Variants in ZBTB41 observed in about 807,000 individuals in gnomAD.
ZBTB41 encodes zinc finger and BTB domain containing 41, also known as zinc finger and BTB domain-containing protein 41.
In ZBTB41, 42 loss-of-function variants were observed where a neutral mutation model predicts 87.6. The ratio of observed to expected loss-of-function variants is 0.48; its 90% CI spans 0.37 to 0.62. The LOEUF (loss-of-function observed/expected upper bound fraction) is 0.62, where lower values mean the gene tolerates loss of function less well. Among genes scored for constraint, ZBTB41 ranks in the 20% least tolerant of loss-of-function variants. The pLI, the probability that ZBTB41 is intolerant of heterozygous loss-of-function variation, is 0.00. For synonymous variants in ZBTB41, 364 were observed against 364.0 expected (o/e 1.00, Z 0.00); for missense variants, 799 against 1,078.9 (o/e 0.74, Z 3.63).
chr1:197,177,393 C>A (rs148074490), intron 7 of ZBTB41, among the ~76,000 whole-genome samples: 1 of 152,048 alleles, frequency 6.6e-6, no homozygotes, highest in African/African-American at 2.4e-5. Context: ...CCCAGCCATG[C>A]GGAACTGTGA....
intron 9 of ZBTB41, 24 bp from the exon 10 acceptor site, chr1:197,172,272 T>C (rs1373685837): frequency 1.1e-6 from 1 of 886,374 alleles, no homozygotes; most frequent in Non-Finnish European, 1.6e-6. Context: ...AAGATTTGAG[T>C]TTTTCAATAT....
chr1:197,176,462 C>T lies in ZBTB41; in HGVS notation c.1879+102G>A, dbSNP rs115993617. On this transcript the variant is annotated intron_variant, in intron 8 of 10. Transcript: ENST00000367405. ...TTACAAAGAAGTGATGAGCATAAAC[C>T]AAATTATTAAACTTATAGCCAACAT... The T allele has an allele frequency of 3.7e-3, 3,107 of 833,240 alleles. 54 individuals carry two copies. The African/African-American group carries it at 0.048, about 13-fold the overall frequency. The allele number at this position is 833,240 out of a possible 1,614,324, so 51.6% of individuals were successfully genotyped here. A position where few individuals can be genotyped will look rare whatever the true frequency, so the allele number is the denominator to read the frequency against.
intron 2 of ZBTB41, among the ~76,000 whole-genome samples, chr1:197,194,204 A>G (rs1022210029): frequency 1.3e-5 from 2 of 152,006 alleles, no homozygotes; most frequent in African/African-American, 4.8e-5. Context: ...TTTTTAGTAG[A>G]CACGGGTTTC....
rs1660276485 is a variant in ZBTB41, at chr1:197,200,197, T to C, written c.277A>G (p.Ile93Val). ...GCACTAAATTCTTTTCCTTCCACTA[T>C]GATAAGTAAATCACAAAAAGATGGT... ...KQPSFCDLLI[I>V]VEGKEFSAHK... The change falls in exon 2 of 11, where the codon ATA becomes GTA. Residue 93 changes from isoleucine to valine, a missense_variant. Ile to Val is a conservative substitution (Grantham distance 29, BLOSUM62 3). This residue lies in a region of ZBTB41 where 59 missense variants were observed against 120.1 expected (regional missense o/e 0.49). Coordinates refer to ENST00000367405, the MANE Select transcript of ZBTB41 (RefSeq NM_194314.3). 2 of 1,613,688 alleles carry C rather than the reference T, an allele frequency of 1.2e-6. No homozygotes were observed. Among genetic ancestry groups the C allele is most frequent in the South Asian group, 1.1e-5 (1 of 90,954 alleles).
At chr1:197,191,046 C>A (rs1015394059) in intron 3 of ZBTB41, among the ~76,000 whole-genome samples, 1 of 151,312 alleles carries the variant, frequency 6.6e-6, no homozygotes, top group South Asian at 2.1e-4. Context: ...AGGTAATATA[C>A]CTGATTTTTT....
At chr1:197,188,602 C>T (rs1659941743) in intron 4 of ZBTB41, among the ~76,000 whole-genome samples, 163 bp from the exon 5 acceptor site, 1 of 152,060 alleles carries the variant, frequency 6.6e-6, no homozygotes, top group Non-Finnish European at 1.5e-5. Flanking sequence ...GAAAAAAATG[C>T]TCTAGAGGAA....
At chr1:197,194,870 C>A (rs1409788771) in intron 2 of ZBTB41, among the ~76,000 whole-genome samples, 1 of 152,146 alleles carries the variant, frequency 6.6e-6, no homozygotes, top group African/African-American at 2.4e-5. Flanking sequence ...ACAGGAGAGA[C>A]AACTTTTGAC....
chr1:197,165,368 G>A (rs1360745240), intron 10 of ZBTB41, among the ~76,000 whole-genome samples: 1 of 151,972 alleles, frequency 6.6e-6, no homozygotes, highest in Admixed American at 6.6e-5. Flanking sequence ...CCAGCACTTT[G>A]GGAGGCCGAG....
intron 6 of ZBTB41, among the ~76,000 whole-genome samples, chr1:197,179,617 C>G (rs1431532866): frequency 1.3e-5 from 2 of 151,942 alleles, no homozygotes; most frequent in East Asian, 3.9e-4. Flanking sequence ...CATGACAGCT[C>G]TATGCATGTA....
intron 6 of ZBTB41, among the ~76,000 whole-genome samples, chr1:197,180,440 T>G (rs1659717096): frequency 6.6e-6 from 1 of 152,168 alleles, no homozygotes. Context: ...CTAGTAAGTT[T>G]AAAGGATGAA....
chr1:197,161,799 T>C (rs1022582847), intron 10 of ZBTB41, among the ~76,000 whole-genome samples: 2 of 152,030 alleles, frequency 1.3e-5, no homozygotes, highest in Admixed American at 1.3e-4. Flanking sequence ...AAGTGCGTTC[T>C]ATAAATCCCT....
intron 8 of ZBTB41, among the ~76,000 whole-genome samples, chr1:197,175,431 A>AATATATATATAT (rs67302873): frequency 0.013 from 917 of 71,576 alleles, 57 homozygotes; most frequent in African/African-American, 0.03. Flanking sequence ...AGGAATTTTA[A>AATATATATATAT]ATATATATAT....
intron 2 of ZBTB41, among the ~76,000 whole-genome samples, chr1:197,196,121 G>A (rs1660156116): frequency 6.6e-6 from 1 of 152,062 alleles, no homozygotes; most frequent in South Asian, 2.1e-4. Context: ...AAGAATACTA[G>A]CCAAGAGTAA....
At position 197,201,237 on chromosome 1, in the gene ZBTB41, T is replaced by C. The variant is rs1652789816; in HGVS notation, c.-132A>G. Among the ~76,000 whole-genome samples, 1 of 151,830 alleles carries C rather than the reference T, an allele frequency of 6.6e-6. No individual in the cohort carries two copies. Among genetic ancestry groups the C allele is most frequent in the Non-Finnish European group, 1.5e-5 (1 of 67,968 alleles). ...AGATCCATTACCGGGAACCCAAGGC[T>C]CCCCCGCTGGCTCCCAGCAGCTGAG... On this transcript the variant is annotated 5_prime_UTR_variant, in exon 1 of 11. Transcript: ENST00000367405.
At chr1:197,174,671 A>C (rs536878947) in intron 9 of ZBTB41, among the ~76,000 whole-genome samples, 13 of 152,260 alleles carry the variant, frequency 8.5e-5, no homozygotes, top group Admixed American at 3.3e-4. Flanking sequence ...AAACAAGTTT[A>C]AATTCTGACT....
At chr1:197,197,926 C>T (rs1234369161) in intron 2 of ZBTB41, among the ~76,000 whole-genome samples, 2 of 152,142 alleles carry the variant, frequency 1.3e-5, no homozygotes, top group African/African-American at 2.4e-5. Context: ...ACCTACAATA[C>T]CATTTGTGAA....
rs184253751 is a variant in ZBTB41 at position 197,199,715 on chromosome 1, T to G, written c.759A>C (p.Ser253=). ...TAACAGGGCACTTCCGATTCCTTTTTGATCTTCTTGCGGAGAAACTTCTCT... is the reference window on the plus strand; with the variant it reads ...TAACAGGGCACTTCCGATTCCTTTTGGATCTTCTTGCGGAGAAACTTCTCT... ...MLERSFSARR[S]KRNRKCPVKF... The change falls in exon 2 of 11, where the codon TCA becomes TCC. Residue 253 remains serine, a synonymous_variant. Coordinates refer to ENST00000367405, the MANE Select transcript of ZBTB41 (RefSeq NM_194314.3). The G allele has an allele frequency of 6.2e-7, 1 of 1,613,566 alleles. No homozygotes were observed. The highest frequency in any genetic ancestry group is 1.1e-5 in the South Asian group (1 of 90,972).
chr1:197,196,310 G>C (rs535598171), intron 2 of ZBTB41, among the ~76,000 whole-genome samples: 1 of 152,234 alleles, frequency 6.6e-6, no homozygotes, highest in South Asian at 2.1e-4. Flanking sequence ...GATGGTAAGA[G>C]AGGACACTTA....
At chr1:197,174,461 C>G (rs923198864) in intron 9 of ZBTB41, among the ~76,000 whole-genome samples, 4 of 152,170 alleles carry the variant, frequency 2.6e-5, no homozygotes, top group African/African-American at 9.6e-5. Flanking sequence ...TAAGTGAAGT[C>G]TCTTGGCACT....
Sources: allele counts gnomAD v4.1 joint callset (sites outside exome capture counted in the v4.1 genomes callset), GRCh38; gene constraint gnomAD v4.1.1; regional missense constraint gnomAD v4.1.1; transcripts MANE v1.5; gene names NCBI Gene and HGNC (gene_info 2026-07-23, HGNC 2026-07-21).